Variants in VIPR2 observed in about 807,000 individuals in gnomAD.
VIPR2 encodes the protein vasoactive intestinal peptide receptor 2, also known as vasoactive intestinal polypeptide receptor 2.
In VIPR2, 48 loss-of-function variants were observed where a neutral mutation model predicts 58.0. The ratio of observed to expected loss-of-function variants is 0.83; its 90% CI spans 0.66 to 1.05. The LOEUF is 1.05. Among genes scored for constraint, VIPR2 ranks in the 50% least tolerant of loss-of-function variants. The probability of loss-of-function intolerance (pLI) is 0.00; values close to 1 mark genes in which losing one functional copy is unlikely to be tolerated. For missense variants in VIPR2, 534 were observed against 558.0 expected (o/e 0.96, Z 0.43); for synonymous variants, 243 against 235.2 (o/e 1.03, Z -0.30).
chr7:159,062,111 A>G (rs1342933414), intron 4 of VIPR2, among the ~76,000 whole-genome samples: 1 of 152,186 alleles, frequency 6.6e-6, no homozygotes, highest in Non-Finnish European at 1.5e-5. Flanking sequence ...GAAGCAGACG[A>G]GAACTGGCCG....
At chr7:159,048,229 T>C (rs1455724282) in intron 5 of VIPR2, among the ~76,000 whole-genome samples, 2 of 152,248 alleles carry the variant, frequency 1.3e-5, no homozygotes, top group African/African-American at 4.8e-5. Context: ...TTAGTTATAC[T>C]GAGCTGATAC....
At chr7:159,110,623 T>C (rs566251779) in intron 2 of VIPR2, among the ~76,000 whole-genome samples, 24 of 152,318 alleles carry the variant, frequency 1.6e-4, no homozygotes, top group Middle Eastern at 3.4e-3. Context: ...TATACTATAT[T>C]TGAGACCTCT....
chr7:159,050,034 A>C (rs999070370), intron 5 of VIPR2, among the ~76,000 whole-genome samples: 2 of 152,206 alleles, frequency 1.3e-5, no homozygotes, highest in Non-Finnish European at 2.9e-5. Flanking sequence ...ATCAAAAGCC[A>C]AGTTAAAAAG....
intron 4 of VIPR2, 123 bp from the exon 5 acceptor site, chr7:159,058,701 G>C: frequency 1.4e-6 from 1 of 710,446 alleles, no homozygotes; most frequent in African/African-American, 1.8e-5. Flanking sequence ...TGGAAGGCAC[G>C]AGATAGTCTC....
chr7:159,127,173 CTGCA>C lies in VIPR2; in HGVS notation c.151+15269_151+15272del, dbSNP rs1486657358. Among the ~76,000 whole-genome samples, 7 of 152,232 alleles carry C rather than the reference CTGCA, an allele frequency of 4.6e-5. No homozygotes were observed. The highest frequency in any genetic ancestry group is 8.8e-5 in the Non-Finnish European group (6 of 68,044). Reference sequence around the variant, plus strand: ...GCTGACATTCTGTCTAATTAGTGCGCTGCATGCATCCCACCCTCAACAGCCTGAT... The same window carrying C: ...GCTGACATTCTGTCTAATTAGTGCGCTGCATCCCACCCTCAACAGCCTGAT... On this transcript the variant is annotated intron_variant, in intron 2 of 12. Coordinates refer to ENST00000262178, the MANE Select transcript of VIPR2 (RefSeq NM_003382.5). The surrounding 1 kb of genome is among the most constrained non-coding windows in gnomAD (Gnocchi z 4.6).
chr7:159,103,998 A>C (rs968912730), intron 3 of VIPR2, 144 bp from the exon 4 acceptor site: 15 of 698,036 alleles, frequency 2.1e-5, no homozygotes, highest in Non-Finnish European at 2.9e-5. Context: ...CCACTCAAAA[A>C]ACCTTCCTTG....
intron 3 of VIPR2, 114 bp downstream of exon 3, chr7:159,109,698 G>A (rs1795914532): frequency 3.1e-6 from 3 of 963,828 alleles, no homozygotes; most frequent in Non-Finnish European, 3.3e-6. Context: ...CTGACCCCCA[G>A]GGTAGCAGGA....
chr7:159,139,207 C>T (rs751433702), intron 2 of VIPR2, among the ~76,000 whole-genome samples: 4 of 152,170 alleles, frequency 2.6e-5, no homozygotes, highest in Admixed American at 1.3e-4. Context: ...TAGGAGAGTT[C>T]GATAATTAAG....
At chr7:159,038,204 T>TGCCCCGACCTCCCCTGAGCCCTGCAGGCG (rs1219054021) in intron 6 of VIPR2, among the ~76,000 whole-genome samples, 2 of 151,804 alleles carry the variant, frequency 1.3e-5, no homozygotes, top group African/African-American at 2.4e-5. Context: ...CCCTGCAGGC[T>TGCCCCGACCTCCCCTGAGCCCTGCAGGCG]GCCCCGACCT....
intron 6 of VIPR2, among the ~76,000 whole-genome samples, chr7:159,041,899 C>A (rs1854371221): frequency 6.6e-6 from 1 of 152,108 alleles, no homozygotes; most frequent in Non-Finnish European, 1.5e-5. Flanking sequence ...TGGGCGTTGA[C>A]CACTGTTACA....
At chr7:159,087,089 G>A (rs1385105181) in intron 4 of VIPR2, among the ~76,000 whole-genome samples, 1 of 152,096 alleles carries the variant, frequency 6.6e-6, no homozygotes, top group East Asian at 1.9e-4. Context: ...CACTCTGCCA[G>A]GACTCTGATA....
Position 159,032,061 on chromosome 7 carries a change from C to A in VIPR2, c.978G>T (p.Leu326=), listed in dbSNP as rs780221151. ...GGNDQSQYKR[L]AKSTLLLIPL... Reference sequence around the variant, plus strand: ...GGATAAGCAGGAGCGTGGACTTGGCCAGCCTCCTGCACAGAAGGAGATGAG... The same window carrying A: ...GGATAAGCAGGAGCGTGGACTTGGCAAGCCTCCTGCACAGAAGGAGATGAG... Residue 326 remains leucine, a synonymous_variant, in exon 11 of 13, where the codon CTG becomes CTT. Transcript: ENST00000262178. 3 of 1,613,960 alleles carry A rather than the reference C, an allele frequency of 1.9e-6. No homozygotes were observed. The Admixed American group carries it at 5.0e-5, about 27-fold the overall frequency.
At chr7:159,036,977 C>G in intron 6 of VIPR2, 75 bp from the exon 7 acceptor site, 1 of 1,529,498 alleles carries the variant, frequency 6.5e-7, no homozygotes, top group Non-Finnish European at 8.9e-7. Flanking sequence ...CAGTGCCGCT[C>G]CAGGACACAG....
intron 2 of VIPR2, among the ~76,000 whole-genome samples, chr7:159,120,213 G>C (rs117671394): frequency 1.3e-5 from 2 of 152,188 alleles, no homozygotes; most frequent in African/African-American, 4.8e-5. Context: ...AAAAAATTTC[G>C]TGTTTTTCTC....
At chr7:159,110,514 A>C (rs1483148722) in intron 2 of VIPR2, among the ~76,000 whole-genome samples, 2 of 152,244 alleles carry the variant, frequency 1.3e-5, no homozygotes, top group Admixed American at 1.3e-4. Flanking sequence ...TTCCAGATGA[A>C]AAGCACTAAG....
intron 3 of VIPR2, among the ~76,000 whole-genome samples, chr7:159,105,135 C>T (rs1262752642): frequency 6.6e-6 from 1 of 152,194 alleles, no homozygotes; most frequent in Non-Finnish European, 1.5e-5. Flanking sequence ...GATGGCCACA[C>T]AGAACAGTAA....
rs920943455 is a variant in VIPR2, at chr7:159,036,018, G to C, written c.749-6C>G. The C allele has an allele frequency of 8.7e-6, 14 of 1,612,650 alleles. No homozygotes were observed. Among genetic ancestry groups the C allele is most frequent in the Admixed American group, 1.7e-5 (1 of 59,940 alleles). On this transcript the variant is annotated splice_polypyrimidine_tract_variant and splice_region_variant and intron_variant, in intron 7 of 12. Transcript: ENST00000262178. The stretch of plus-strand genomic sequence containing the variant: ...GATGCAGACGGTGGGGAGGCCTGCA[G>C]AGAGACGCCTGGTTACACAGGTGGA...
chr7:159,035,985 C>A lies in VIPR2; in HGVS notation c.776G>T (p.Trp259Leu). The change falls in exon 8 of 13, where the codon TGG (tryptophan) becomes TTG (leucine). Residue 259 changes from tryptophan (W) to leucine (L), a missense_variant. By Grantham distance (61) the Trp-to-Leu change is moderately conservative. This residue lies in a region of VIPR2 where 306 missense variants were observed against 285.8 expected (regional missense o/e 1.07). Coordinates refer to ENST00000262178, the MANE Select transcript of VIPR2 (RefSeq NM_003382.5). ...WGLPTVCIGA[W>L]TAARLYLEDT... is the part of the protein sequence containing the mutation. ...TTCTAAGTAGAGCCTGGCCGCAGTCCATGCACCGATGCAGACGGTGGGGAG... is the reference window on the plus strand; with the variant it reads ...TTCTAAGTAGAGCCTGGCCGCAGTCAATGCACCGATGCAGACGGTGGGGAG... The A allele has an allele frequency of 6.2e-7, 1 of 1,613,654 alleles. No individual in the cohort carries two copies. Among genetic ancestry groups the A allele is most frequent in the Non-Finnish European group, 8.5e-7 (1 of 1,179,882 alleles).
intron 2 of VIPR2, among the ~76,000 whole-genome samples, chr7:159,130,129 A>G: frequency 6.6e-6 from 1 of 152,254 alleles, no homozygotes; most frequent in East Asian, 1.9e-4. Context: ...TGAGAAAATG[A>G]TGGCTGTGAA....
Sources: allele counts gnomAD v4.1 joint callset (sites outside exome capture counted in the v4.1 genomes callset), GRCh38; gene constraint gnomAD v4.1.1; regional missense constraint gnomAD v4.1.1; non-coding constraint Gnocchi (gnomAD v3.1); transcripts MANE v1.5; gene names NCBI Gene and HGNC (gene_info 2026-07-23, HGNC 2026-07-21).